Variants in DPH5 observed in about 807,000 individuals in gnomAD.
The protein encoded by DPH5 is diphthamide biosynthesis 5.
Under a neutral mutation model 31.6 loss-of-function variants are expected in DPH5, and 31 were observed. The observed-to-expected ratio is 0.98, with a 90% CI of 0.74 to 1.32. The LOEUF is 1.32. Ranked by LOEUF, DPH5 falls within the 40% of genes most tolerant of loss-of-function variation. The pLI is 0.00. For synonymous variants in DPH5, 120 were observed against 115.0 expected (o/e 1.04, Z -0.28); for missense variants, 309 against 335.7 (o/e 0.92, Z 0.62).
chr1:101,000,613 G>A (rs1302792367), intron 5 of DPH5, among the ~76,000 whole-genome samples: 1 of 152,158 alleles, frequency 6.6e-6, no homozygotes, highest in African/African-American at 2.4e-5. Context: ...GTAGCACTGG[G>A]ATTTTGTCTT....
intron 6 of DPH5, among the ~76,000 whole-genome samples, chr1:100,993,907 AT>A (rs1407517370): frequency 2.6e-5 from 4 of 151,260 alleles, no homozygotes; most frequent in African/African-American, 9.7e-5. Context: ...TGCCTGGCTA[AT>A]TTTTTTTGTA....
chr1:101,016,628 G>T (rs1234432849), intron 3 of DPH5, among the ~76,000 whole-genome samples: 1 of 151,354 alleles, frequency 6.6e-6, no homozygotes, highest in Non-Finnish European at 1.5e-5. Flanking sequence ...GTATTTTTTG[G>T]TAGAGACGGG....
chr1:101,013,829 A>AATC lies in DPH5; in HGVS notation c.261-12_261-11insGAT. 6.3e-7 allele frequency: 1 copy of AATC among 1,591,382 alleles called. No individual in the cohort carries two copies. The highest frequency in any genetic ancestry group is 8.6e-7 in the Non-Finnish European group (1 of 1,166,614). On this transcript the variant is annotated splice_polypyrimidine_tract_variant and intron_variant, in intron 3 of 7. Transcript: ENST00000370109. ...CTGTGTGTTGTGGCCCTGTAGTGAG[A>AATC]AAAGATTAGATTGGATTAAAGCAAA...
chr1:100,996,676 G>A (rs12023712), intron 5 of DPH5, among the ~76,000 whole-genome samples: 11,357 of 152,028 alleles, frequency 0.075, 570 homozygotes, highest in South Asian at 0.19. Context: ...TCTGGGCAAC[G>A]TAAGTCCTAA....
chr1:101,025,268 T>C (rs1660739664), intron 2 of DPH5, 41 bp downstream of exon 2: 7 of 1,608,134 alleles, frequency 4.4e-6, no homozygotes, highest in Non-Finnish European at 5.1e-6. Flanking sequence ...AGATGTTAGA[T>C]AGCTTTCTTC....
intron 3 of DPH5, among the ~76,000 whole-genome samples, chr1:101,018,933 G>T (rs1660266313): frequency 6.6e-6 from 1 of 152,096 alleles, no homozygotes. Context: ...ATCAAGCACT[G>T]TTCACATTCA....
intron 3 of DPH5, among the ~76,000 whole-genome samples, chr1:101,018,048 C>G (rs1660195189): frequency 6.6e-6 from 1 of 152,098 alleles, no homozygotes; most frequent in Non-Finnish European, 1.5e-5. Flanking sequence ...GTATATGGCT[C>G]TATCTAAAAT....
chr1:101,013,860 C>CAA (rs761351998), intron 3 of DPH5, 42 bp from the exon 4 acceptor site: 2 of 1,459,526 alleles, frequency 1.4e-6, no homozygotes, highest in African/African-American at 2.8e-5. Flanking sequence ...GCAAACAACA[C>CAA]TTTTAAGACA....
At chr1:101,018,485 C>T (rs909529539) in intron 3 of DPH5, among the ~76,000 whole-genome samples, 10 of 152,080 alleles carry the variant, frequency 6.6e-5, no homozygotes, top group South Asian at 2.1e-4. Context: ...GCAATCCACC[C>T]GCCTCAGCCT....
intron 3 of DPH5, among the ~76,000 whole-genome samples, chr1:101,015,813 C>T (rs1161095485): frequency 6.6e-6 from 1 of 152,096 alleles, no homozygotes; most frequent in African/African-American, 2.4e-5. Flanking sequence ...CAACTTTTTT[C>T]CTTAAACCTC....
chr1:100,993,557 T>TAA (rs1491387421), intron 6 of DPH5, among the ~76,000 whole-genome samples: 1 of 76,934 alleles, frequency 1.3e-5, no homozygotes, highest in African/African-American at 5.1e-5. Flanking sequence ...GTCGAAAATA[T>TAA]AAATATATAT....
At chr1:101,010,087 T>C (rs904948290) in intron 4 of DPH5, among the ~76,000 whole-genome samples, 25 of 152,252 alleles carry the variant, frequency 1.6e-4, no homozygotes, top group African/African-American at 5.8e-4. Context: ...ATTTTATTGA[T>C]GTTGTCTCTT....
Position 101,025,290 on chromosome 1 carries a change from G to C in DPH5, c.135+19C>G, listed in dbSNP as rs1327318530. On this transcript the variant is annotated intron_variant, in intron 2 of 7. Transcript: ENST00000370109. The stretch of plus-strand genomic sequence containing the variant: ...AGATAGCTTTCTTCCCAGGAGGCTG[G>C]GGAACGCTCAGCACCTACCAAGGCT... 1.2e-6 allele frequency: 2 copies of C among 1,612,214 alleles called. No homozygotes were observed. Among genetic ancestry groups the C allele is most frequent in the South Asian group, 2.2e-5 (2 of 90,822 alleles).
chr1:100,992,922 T>C (rs551798756), intron 6 of DPH5, among the ~76,000 whole-genome samples, 182 bp from the exon 7 acceptor site: 1 of 152,358 alleles, frequency 6.6e-6, no homozygotes, highest in Admixed American at 6.5e-5. Flanking sequence ...CTTAAGCTTT[T>C]TCATTGTTCT....
Position 101,007,290 on chromosome 1 carries a change from G to A in DPH5, c.370-5703C>T, listed in dbSNP as rs375521320. On this transcript the variant is annotated intron_variant, in intron 4 of 7. Coordinates refer to ENST00000370109, the MANE Select transcript of DPH5 (RefSeq NM_015958.3). ...TCAATATATCTTCCTAATTTTCTGT[G>A]AGCATAGAAATCATTTATTATCAAG... is the stretch of plus-strand genomic sequence containing the variant. Among the ~76,000 whole-genome samples the A allele has an allele frequency of 1.8e-4, 27 of 152,112 alleles. No individual in the cohort carries two copies. The East Asian group carries it at 3.1e-3, about 17-fold the overall frequency.
intron 5 of DPH5, among the ~76,000 whole-genome samples, chr1:100,999,076 T>C (rs1658630403): frequency 6.6e-6 from 1 of 152,222 alleles, no homozygotes. Context: ...TGGGTACTTG[T>C]TTGCTAATCC....
chr1:100,994,540 CT>C (rs869229716), intron 6 of DPH5, among the ~76,000 whole-genome samples: 1,427 of 142,336 alleles, frequency 0.01, 20 homozygotes, highest in African/African-American at 0.031. Flanking sequence ...AAACCCATGC[CT>C]TTTTTTTTTT....
chr1:101,015,537 C>G (rs1479657314), intron 3 of DPH5, among the ~76,000 whole-genome samples: 1 of 152,162 alleles, frequency 6.6e-6, no homozygotes, highest in Non-Finnish European at 1.5e-5. Context: ...TCTTACAGGA[C>G]CTAGGATTTT....
rs964015976 is a variant in DPH5 at position 101,000,607 on chromosome 1, C to A, written c.490+860G>T. Among the ~76,000 whole-genome samples, 3 of 152,168 alleles carry A rather than the reference C, an allele frequency of 2.0e-5. 1 individual carries two copies. Among genetic ancestry groups the A allele is most frequent in the Admixed American group, 2.0e-4 (3 of 15,272 alleles). ...GTACTCTCTAACTAGTAAGTAGTAG[C>A]ACTGGGATTTTGTCTTCTGATTCCA... On this transcript the variant is annotated intron_variant, in intron 5 of 7. Transcript: ENST00000370109.
Sources: allele counts gnomAD v4.1 joint callset (sites outside exome capture counted in the v4.1 genomes callset), GRCh38; gene constraint gnomAD v4.1.1; transcripts MANE v1.5; gene names NCBI Gene and HGNC (gene_info 2026-07-23, HGNC 2026-07-21).